Variants in NOM1 observed in about 807,000 individuals in gnomAD.
NOM1 encodes the protein nucleolar MIF4G domain-containing protein 1.
In NOM1, 58 loss-of-function variants were observed where a neutral mutation model predicts 73.3. The observed-to-expected ratio is 0.79, with a 90% CI of 0.64 to 0.99. The LOEUF is 0.99. NOM1 is among the 50% of genes least tolerant of loss of function. The probability of loss-of-function intolerance (pLI) is 0.00; values close to 1 mark genes in which losing one functional copy is unlikely to be tolerated. For missense variants in NOM1, 1,226 were observed against 1,131.9 expected (o/e 1.08, Z -1.19); for synonymous variants, 487 against 446.8 (o/e 1.09, Z -1.14).
chr7:156,956,050 A>T (rs2134777626), intron 3 of NOM1, among the ~76,000 whole-genome samples: 1 of 152,170 alleles, frequency 6.6e-6, no homozygotes, highest in Admixed American at 6.5e-5. Flanking sequence ...AAAATTAGCC[A>T]GGCATGGTGG....
In NOM1 at chr7:156,963,133, C is replaced by T. The variant is rs367915170; in HGVS notation, c.1869C>T (p.Asp623=). 1.2e-6 allele frequency: 2 copies of T among 1,614,158 alleles called. No homozygotes were observed. The highest frequency in any genetic ancestry group is 1.7e-5 in the Admixed American group (1 of 60,016). The part of the protein sequence containing the change: ...GSAWSGAPMI[D]NSHHTHLQKQ... ...CCTGGAGTGGGGCCCCGATGATCGA[C>T]AACAGTCACCATACGCACCTGCAGA... The change falls in exon 6 of 11, where the codon GAC becomes GAT. Residue 623 remains aspartate, a synonymous_variant. Transcript: ENST00000275820.
intron 1 of NOM1, among the ~76,000 whole-genome samples, chr7:156,952,181 TGAGCAGATACCA>T (rs1232851716): frequency 6.6e-6 from 1 of 152,160 alleles, no homozygotes; most frequent in African/African-American, 2.4e-5. Context: ...CTGTTGGAGT[TGAGCAGATACCA>T]GAGGTGCACA....
intron 9 of NOM1, chr7:156,968,690 TATATA>T (rs1805066009): frequency 0.017 from 8 of 482 alleles, no homozygotes; most frequent in Admixed American, 0.067. Flanking sequence ...GTAAATTTTA[TATATA>T]TATATATATA....
chr7:156,951,923 G>A (rs1217167871), intron 1 of NOM1, among the ~76,000 whole-genome samples: 2 of 152,090 alleles, frequency 1.3e-5, no homozygotes, highest in Non-Finnish European at 2.9e-5. Context: ...AGCCAGGATG[G>A]TCTTGATCTC....
chr7:156,954,184 C>T lies in NOM1; in HGVS notation c.1194C>T (p.Asp398=), dbSNP rs774554785. The change falls in exon 3 of 11, where the codon GAC becomes GAT. Residue 398 remains aspartate (D), a synonymous_variant. Coordinates refer to ENST00000275820, the MANE Select transcript of NOM1 (RefSeq NM_138400.2). ...CCCACAGCAGAAAGGACATGAATGA[C>T]ACCCTGACCTCCGCTCTCATGGGTG... The part of the protein sequence containing the change: ...YMAHSRKDMN[D]TLTSALMGAC... 6.2e-7 allele frequency: 1 copy of T among 1,613,824 alleles called. No individual in the cohort carries two copies. Among genetic ancestry groups the T allele is most frequent in the Admixed American group, 1.7e-5 (1 of 59,944 alleles).
rs774135540 is a variant in NOM1, at chr7:156,969,569, T to C, written c.2449T>C (p.Leu817=). 1.2e-6 allele frequency: 2 copies of C among 1,614,084 alleles called. No individual in the cohort carries two copies. Among genetic ancestry groups the C allele is most frequent in the Non-Finnish European group, 1.7e-6 (2 of 1,179,988 alleles). ...AAAGCTGGGGGTGTTACGTGAGGGT[T>C]TGAAGCTTTTCATCAGCCACTTCTT... ...NPKLGVLREG[L]KLFISHFLLK... is the part of the protein sequence containing the mutation. The change falls in exon 11 of 11, where the codon TTG becomes CTG. Residue 817 remains leucine, a synonymous_variant. Coordinates refer to ENST00000275820, the MANE Select transcript of NOM1 (RefSeq NM_138400.2).
chr7:156,960,089 A>T lies in NOM1; in HGVS notation c.1547A>T (p.Asp516Val). 3 of 1,614,174 alleles carry T rather than the reference A, an allele frequency of 1.9e-6. No homozygotes were observed. The highest frequency in any genetic ancestry group is 2.5e-6 in the Non-Finnish European group (3 of 1,180,024). Residue 516 changes from aspartate to valine, a missense_variant, in exon 4 of 11, where the codon GAT (aspartate) becomes GTT (valine). Coordinates refer to ENST00000275820, the MANE Select transcript of NOM1 (RefSeq NM_138400.2). Reference protein sequence around the residue: ...LKNVGFSLRKDDALSLKELIT... With the variant: ...LKNVGFSLRKVDALSLKELIT... ...AACGTGGGTTTTTCATTGAGGAAAG[A>T]TGATGCTTTATCACTTAAGGAATTG...
At chr7:156,952,648 T>C in intron 2 of NOM1, 50 bp downstream of exon 2, 1 of 1,575,878 alleles carries the variant, frequency 6.3e-7, no homozygotes, top group Non-Finnish European at 8.6e-7. Flanking sequence ...GTTGTCTGTT[T>C]CCTAAAATGT....
rs2134774599 is a variant in NOM1 at position 156,954,403 on chromosome 7, T to C, written c.1308+105T>C. Reference sequence around the variant, plus strand: ...TTGTGTGCTGTGGGTGGTTCTTGTGTCGATTCCTTTTTGTTGTGAATAAAT... The same window carrying C: ...TTGTGTGCTGTGGGTGGTTCTTGTGCCGATTCCTTTTTGTTGTGAATAAAT... On this transcript the variant is annotated intron_variant, in intron 3 of 10. Coordinates refer to ENST00000275820, the MANE Select transcript of NOM1 (RefSeq NM_138400.2). 3.3e-6 allele frequency: 3 copies of C among 920,964 alleles called. No homozygotes were observed. In the South Asian group the frequency reaches 6.6e-5, roughly 20 times the overall value. The allele number at this position is 920,964 out of a possible 1,614,324, so 57.0% of individuals were successfully genotyped here. A position where few individuals can be genotyped will look rare whatever the true frequency, so the allele number is the denominator to read the frequency against.
intron 4 of NOM1, among the ~76,000 whole-genome samples, chr7:156,960,758 G>A (rs1804844395): frequency 1.3e-5 from 2 of 152,220 alleles, no homozygotes; most frequent in South Asian, 4.1e-4. Context: ...GCAGGTGAAT[G>A]ACAGGTTGGA....
In NOM1 at chr7:156,949,848, TG is replaced by T. The variant is rs1804527342; in HGVS notation, c.115del (p.Glu39ArgfsTer4). On this transcript the variant is annotated frameshift_variant, in exon 1 of 11. Transcript: ENST00000275820. LOFTEE classifies it high-confidence loss of function. ...RGPRRGPAGGGEKALKRLKLA... is the reference protein window; with the variant it reads ...RGPRRGPAGGXEKALKRLKLA... ...GGCCGCGCCGCGGTCCTGCTGGCGG[TG>T]GGGAGAAGGCCCTGAAGAGGCTGAA... 2.1e-6 allele frequency: 3 copies of T among 1,459,644 alleles called. No homozygotes were observed. The highest frequency in any genetic ancestry group is 5.1e-5 in the East Asian group (2 of 39,154). The allele number at this position is 1,459,644 out of a possible 1,614,324, so 90.4% of individuals were successfully genotyped here. A position where few individuals can be genotyped will look rare whatever the true frequency, so the allele number is the denominator to read the frequency against.
chr7:156,962,839 C>T (rs1052864920), intron 5 of NOM1, among the ~76,000 whole-genome samples, 169 bp from the exon 6 acceptor site: 2 of 152,164 alleles, frequency 1.3e-5, no homozygotes, highest in African/African-American at 2.4e-5. Context: ...CTGAGTTTAC[C>T]GCTAGTTTTG....
chr7:156,952,815 C>T (rs1175404413), intron 2 of NOM1, among the ~76,000 whole-genome samples: 2 of 151,830 alleles, frequency 1.3e-5, no homozygotes, highest in Non-Finnish European at 2.9e-5. Flanking sequence ...GGTTTGAGAG[C>T]AGCCCAAATG....
intron 3 of NOM1, among the ~76,000 whole-genome samples, chr7:156,956,235 C>G (rs2134777992): frequency 6.6e-6 from 1 of 150,952 alleles, no homozygotes; most frequent in South Asian, 2.1e-4. Context: ...AATGAAGTAG[C>G]CTTCTTGTCA....
intron 8 of NOM1, 76 bp from the exon 9 acceptor site, chr7:156,966,885 T>C (rs1165898463): frequency 3.6e-6 from 5 of 1,395,694 alleles, no homozygotes; most frequent in Non-Finnish European, 4.9e-6. Flanking sequence ...AAAATACCTT[T>C]AGGTTATGTT....
In NOM1 at chr7:156,972,947, A is replaced by C. The variant is rs1221662469; in HGVS notation, c.*3244A>C. The C allele has an allele frequency of 6.6e-6, 1 of 152,214 alleles. No individual in the cohort carries two copies. The highest frequency in any genetic ancestry group is 1.5e-5 in the Non-Finnish European group (1 of 68,040). 9.4% of individuals were successfully genotyped at this position (152,214 alleles called of 1,614,324 possible). A position where few individuals can be genotyped will look rare whatever the true frequency, so the allele number is the denominator to read the frequency against. On this transcript the variant is annotated 3_prime_UTR_variant, in exon 11 of 11. Transcript: ENST00000275820. ...AATTCAGAATTGCTTTTAAATATAT[A>C]GGGGGTTTTTTGAAATTTATTACAG... is the stretch of plus-strand genomic sequence containing the variant.
At chr7:156,959,573 G>C (rs1013930068) in intron 3 of NOM1, among the ~76,000 whole-genome samples, 2 of 152,182 alleles carry the variant, frequency 1.3e-5, no homozygotes, top group Non-Finnish European at 2.9e-5. Context: ...ACATAGGTGT[G>C]TTTTTAACAT....
At chr7:156,962,324 T>G (rs1417668143) in intron 5 of NOM1, 63 bp downstream of exon 5, 1 of 1,343,770 alleles carries the variant, frequency 7.4e-7, no homozygotes. Context: ...GAGCCTGTCA[T>G]GAAAATCAAG....
intron 7 of NOM1, chr7:156,964,246 TGATATATAAA>T (rs1387262677): frequency 9.4e-6 from 3 of 320,176 alleles, no homozygotes; most frequent in Non-Finnish European, 1.7e-5. Context: ...GAACATTTTA[TGATATATAAA>T]GATTGGGGGT....
Sources: allele counts gnomAD v4.1 joint callset (sites outside exome capture counted in the v4.1 genomes callset), GRCh38; gene constraint gnomAD v4.1.1; transcripts MANE v1.5; gene names NCBI Gene and HGNC (gene_info 2026-07-23, HGNC 2026-07-21).